NEK9: variants seen among roughly 807,000 people sequenced by gnomAD.
The protein encoded by NEK9 is serine/threonine-protein kinase Nek9.
In NEK9, 75 loss-of-function variants were observed where a neutral mutation model predicts 123.4. The observed-to-expected ratio is 0.61, with a 90% CI of 0.50 to 0.74. The LOEUF (loss-of-function observed/expected upper bound fraction) is 0.74, where lower values mean the gene tolerates loss of function less well. Among genes scored for constraint, NEK9 ranks in the 30% least tolerant of loss-of-function variants. The probability of loss-of-function intolerance (pLI) is 0.00; values close to 1 mark genes in which losing one functional copy is unlikely to be tolerated. For synonymous variants in NEK9, 438 were observed against 458.7 expected (o/e 0.95, Z 0.58); for missense variants, 952 against 1,214.4 (o/e 0.78, Z 3.21).
intron 3 of NEK9, 92 bp from the exon 4 acceptor site, chr14:75,120,672 G>T: frequency 1.1e-6 from 1 of 926,482 alleles, no homozygotes. Context: ...AAAGAAAACT[G>T]CAACCAGAAG....
intron 12 of NEK9, 97 bp from the exon 13 acceptor site, chr14:75,106,093 C>T (rs1383126293): frequency 5.6e-6 from 6 of 1,070,518 alleles, no homozygotes; most frequent in Non-Finnish European, 8.6e-6. Context: ...CGGTGGCTCA[C>T]ACCTGTAATC....
chr14:75,096,982 A>T, intron 17 of NEK9, 118 bp downstream of exon 17: 1 of 912,264 alleles, frequency 1.1e-6, no homozygotes, highest in Non-Finnish European at 1.6e-6. Context: ...CCATTACAAG[A>T]CTTACAGAAA....
chr14:75,118,678 A>C, intron 5 of NEK9, 152 bp downstream of exon 5: 39 of 569,500 alleles, frequency 6.8e-5, no homozygotes, highest in East Asian at 6.0e-5. Context: ...AATGCCTGCT[A>C]GTGGGCCCAG....
At chr14:75,097,324 C>T (rs1250906938) in intron 16 of NEK9, 54 bp from the exon 17 acceptor site, 1 of 1,438,582 alleles carries the variant, frequency 7.0e-7, no homozygotes, top group East Asian at 2.3e-5. Context: ...CTTCCCAATT[C>T]TCCGGGTTCC....
chr14:75,101,668 G>T lies in NEK9; in HGVS notation c.1829C>A (p.Ala610Asp). 1 of 1,610,244 alleles carries T rather than the reference G, an allele frequency of 6.2e-7. No homozygotes were observed. The highest frequency in any genetic ancestry group is 8.5e-7 in the Non-Finnish European group (1 of 1,176,560). The change falls in exon 15 of 22, where the codon GCT (alanine) becomes GAT (aspartate). Residue 610 changes from alanine to aspartate, a missense_variant. By Grantham distance (126) the Ala-to-Asp change is moderately radical. Coordinates refer to ENST00000238616, the MANE Select transcript of NEK9 (RefSeq NM_033116.6). ...GTAAATCAACTTACCATCAATAGCA[G>T]CTGTGTGAGTCTTGCCTGGGGCAAT... ...RTIAPGKTHT[A>D]AIDERGRLLT...
Position 75,118,848 on chromosome 14 carries a change from C to T in NEK9, c.612G>A (p.Glu204=). 6.2e-7 allele frequency: 1 copy of T among 1,604,216 alleles called. No individual in the cohort carries two copies. The highest frequency in any genetic ancestry group is 2.2e-5 in the East Asian group (1 of 44,830). Residue 204 remains glutamate, a synonymous_variant, in exon 5 of 22, where the codon GAG becomes GAA. Coordinates refer to ENST00000238616, the MANE Select transcript of NEK9 (RefSeq NM_033116.6). ...CACATACCGTCTCAGCCATGGAATA[C>T]TCAGAATTAAGTTTCTTTGCTAGGC... ...DYGLAKKLNS[E]YSMAETLVGT...
chr14:75,122,264 A>G (rs1008468448), intron 2 of NEK9, among the ~76,000 whole-genome samples: 3 of 152,188 alleles, frequency 2.0e-5, no homozygotes, highest in African/African-American at 7.2e-5. Flanking sequence ...TGCTACTTCG[A>G]AAATTTTTAA....
chr14:75,088,940 G>C (rs1894117291), intron 19 of NEK9, among the ~76,000 whole-genome samples: 3 of 152,230 alleles, frequency 2.0e-5, no homozygotes, highest in Non-Finnish European at 4.4e-5. Context: ...GGAAGTGTCA[G>C]TGAGGCTGGC....
chr14:75,088,427 G>A, intron 20 of NEK9, 53 bp downstream of exon 20: 1 of 1,575,218 alleles, frequency 6.3e-7, no homozygotes, highest in South Asian at 1.1e-5. Flanking sequence ...ACCAGGCAGA[G>A]CTTGCAGTGA....
intron 20 of NEK9, 77 bp from the exon 21 acceptor site, chr14:75,087,307 C>A: frequency 1.9e-6 from 2 of 1,050,730 alleles, no homozygotes; most frequent in Non-Finnish European, 1.4e-6. Flanking sequence ...CCTCTAAGTG[C>A]AATCGGATTT....
chr14:75,096,999 C>T, intron 17 of NEK9, 101 bp downstream of exon 17: 1 of 1,187,854 alleles, frequency 8.4e-7, no homozygotes. Context: ...GAAATGGCTT[C>T]TTCAGGACAT....
intron 8 of NEK9, 53 bp from the exon 9 acceptor site, chr14:75,110,424 CA>C: frequency 7.4e-7 from 1 of 1,357,136 alleles, no homozygotes; most frequent in South Asian, 1.2e-5. Flanking sequence ...TTTTATATTG[CA>C]AAGGTGTCTG....
At position 75,117,263 on chromosome 14, in the gene NEK9, A is replaced by G; in HGVS notation, c.694T>C (p.Ser232Pro). Residue 232 changes from serine to proline, a missense_variant, in exon 6 of 22, where the codon TCT (serine) becomes CCT (proline). Ser to Pro is a moderately conservative substitution (Grantham distance 74). Transcript: ENST00000238616. ...ACGCAGCCAACTGCCCAGATATCAGACTTGAAATTGTACTTTACTCCTTGA... is the reference window on the plus strand; with the variant it reads ...ACGCAGCCAACTGCCCAGATATCAGGCTTGAAATTGTACTTTACTCCTTGA... ...LCQGVKYNFK[S>P]DIWAVGCVIF... 6.2e-7 allele frequency: 1 copy of G among 1,614,130 alleles called. No individual in the cohort carries two copies. Among genetic ancestry groups the G allele is most frequent in the Non-Finnish European group, 8.5e-7 (1 of 1,180,016 alleles).
At chr14:75,123,407 AAAAAAT>A (rs1243608377) in intron 2 of NEK9, among the ~76,000 whole-genome samples, 3 of 132,532 alleles carry the variant, frequency 2.3e-5, no homozygotes, top group African/African-American at 5.0e-5. Flanking sequence ...TCCATCTCAA[AAAAAAT>A]AATAATAATA....
Position 75,079,978 on chromosome 14 carries a change from T to G in NEK9, c.*4586A>C, listed in dbSNP as rs549895997. 6.6e-6 allele frequency: 1 copy of G among 152,214 alleles called. No individual in the cohort carries two copies. Among genetic ancestry groups the G allele is most frequent in the Non-Finnish European group, 1.5e-5 (1 of 68,038 alleles). The allele number at this position is 152,214 out of a possible 1,614,324, so 9.4% of individuals were successfully genotyped here. On this transcript the variant is annotated 3_prime_UTR_variant, in exon 22 of 22. Transcript: ENST00000238616. ...TCATTTTGCTAAAGAAATAAAACAATAGTCAATGCCTTAAGTGTTCCCTTT... is the reference window on the plus strand; with the variant it reads ...TCATTTTGCTAAAGAAATAAAACAAGAGTCAATGCCTTAAGTGTTCCCTTT...
At position 75,084,613 on chromosome 14, in the gene NEK9, G is replaced by A. The variant is rs1264088438; in HGVS notation, c.2891C>T (p.Ser964Leu). The part of the protein sequence containing the change: ...MEMDPKPDLD[S>L]DSWCLLGTDS... ...TGTTCCCAGGAGGCACCAGGAATCTGAATCTAAGTCAGGCTTTGGATCCAT... is the reference window on the plus strand; with the variant it reads ...TGTTCCCAGGAGGCACCAGGAATCTAAATCTAAGTCAGGCTTTGGATCCAT... The change falls in exon 22 of 22, where the codon TCA becomes TTA. Residue 964 changes from serine to leucine, a missense_variant. Around this residue, in one of 4 missense-constraint regions of NEK9, gnomAD observed 698 missense variants for 875.6 expected, o/e 0.80. Coordinates refer to ENST00000238616, the MANE Select transcript of NEK9 (RefSeq NM_033116.6). The A allele has an allele frequency of 1.2e-6, 2 of 1,614,066 alleles. No homozygotes were observed. The highest frequency in any genetic ancestry group is 2.7e-5 in the African/African-American group (2 of 74,932).
rs1893909601 is a variant in NEK9, at chr14:75,082,925, T to C, written c.*1639A>G. On this transcript the variant is annotated 3_prime_UTR_variant, in exon 22 of 22. Transcript: ENST00000238616. Reference sequence around the variant, plus strand: ...TTATTTCAAGAAAAGGTTTCAGTGATTACATTAGTACTAATGTACTAGGCT... The same window carrying C: ...TTATTTCAAGAAAAGGTTTCAGTGACTACATTAGTACTAATGTACTAGGCT... 2.5e-6 allele frequency: 1 copy of C among 398,492 alleles called. No individual in the cohort carries two copies. Among genetic ancestry groups the C allele is most frequent in the Admixed American group, 4.4e-5 (1 of 22,710 alleles). 24.7% of individuals were successfully genotyped at this position (398,492 alleles called of 1,614,324 possible).
intron 10 of NEK9, among the ~76,000 whole-genome samples, chr14:75,108,508 C>CGTGT (rs1894853283): frequency 1.2e-5 from 1 of 82,304 alleles, no homozygotes; most frequent in African/African-American, 4.8e-5. Context: ...TATGTGTGTG[C>CGTGT]GTGTGCGTGT....
In NEK9 at chr14:75,083,954, C is replaced by G. The variant is rs1158859401; in HGVS notation, c.*610G>C. The G allele has an allele frequency of 6.6e-6, 1 of 152,598 alleles. No homozygotes were observed. Among genetic ancestry groups the G allele is most frequent in the African/African-American group, 2.4e-5 (1 of 41,448 alleles). 9.5% of individuals were successfully genotyped at this position (152,598 alleles called of 1,614,324 possible). ...CCCTCAGAGGAAAAGCAACCTAAGC[C>G]TACCTTTCCTCCTAAAGCATTTAGC... On this transcript the variant is annotated 3_prime_UTR_variant, in exon 22 of 22. Coordinates refer to ENST00000238616, the MANE Select transcript of NEK9 (RefSeq NM_033116.6).
Sources: allele counts gnomAD v4.1 joint callset (sites outside exome capture counted in the v4.1 genomes callset), GRCh38; gene constraint gnomAD v4.1.1; regional missense constraint gnomAD v4.1.1; transcripts MANE v1.5; gene names NCBI Gene and HGNC (gene_info 2026-07-23, HGNC 2026-07-21).